Variants in DYNC1I1 observed in about 807,000 individuals in gnomAD.
DYNC1I1 encodes the protein dynein cytoplasmic 1 intermediate chain 1.
A neutral mutation model predicts 86.6 loss-of-function variants in DYNC1I1; 43 were observed. The observed-to-expected ratio is 0.50, with a 90% CI of 0.39 to 0.64. DYNC1I1 has a LOEUF of 0.64. DYNC1I1 is among the 30% of genes least tolerant of loss of function. The probability of loss-of-function intolerance (pLI) is 0.00; values close to 1 mark genes in which losing one functional copy is unlikely to be tolerated. For synonymous variants in DYNC1I1, 262 were observed against 283.7 expected (o/e 0.92, Z 0.77); for missense variants, 604 against 788.8 (o/e 0.77, Z 2.81).
chr7:95,780,467 A>G lies in DYNC1I1; in HGVS notation c.-10+7694A>G, dbSNP rs1163876575. ...TTTTTTTTTTGTATTTTTAGTAGAG[A>G]CGGGGTTTCACCATGTTAGCCAGGA... On this transcript the variant is annotated intron_variant, in intron 1 of 16. Coordinates refer to ENST00000447467, the MANE Select transcript of DYNC1I1 (RefSeq NM_001135556.2). Among the ~76,000 whole-genome samples, 3 of 141,632 alleles carry G rather than the reference A, an allele frequency of 2.1e-5. No homozygotes were observed. The Admixed American group carries it at 2.1e-4, about 10-fold the overall frequency. The allele number at this position is 141,632 out of a possible 152,430, so 92.9% of individuals were successfully genotyped here.
At chr7:95,972,256 G>A (rs1252040595) in intron 6 of DYNC1I1, among the ~76,000 whole-genome samples, 1 of 152,144 alleles carries the variant, frequency 6.6e-6, no homozygotes, top group Non-Finnish European at 1.5e-5. Context: ...GAAGGAACAG[G>A]TTTGAAAAAG....
At chr7:95,779,485 C>T (rs116949231) in intron 1 of DYNC1I1, among the ~76,000 whole-genome samples, 22 of 152,292 alleles carry the variant, frequency 1.4e-4, no homozygotes, top group South Asian at 2.1e-4. Context: ...ATTCTTTTTA[C>T]GATCAAACAG....
chr7:95,869,225 T>TAA (rs2116162903), intron 5 of DYNC1I1, among the ~76,000 whole-genome samples: 1 of 152,294 alleles, frequency 6.6e-6, no homozygotes, highest in South Asian at 2.1e-4. Context: ...AAGTGCTACA[T>TAA]AAATATTCAG....
At chr7:95,875,829 G>C (rs966521787) in intron 6 of DYNC1I1, among the ~76,000 whole-genome samples, 7 of 152,136 alleles carry the variant, frequency 4.6e-5, no homozygotes, top group African/African-American at 7.2e-5. Context: ...GGGAGCATTG[G>C]CTATCTCTCT....
At chr7:96,090,063 C>T (rs906022439) in intron 16 of DYNC1I1, among the ~76,000 whole-genome samples, 1 of 152,004 alleles carries the variant, frequency 6.6e-6, no homozygotes, top group Non-Finnish European at 1.5e-5. Context: ...CATCAACCAG[C>T]GTTTTTAGCA....
intron 2 of DYNC1I1, among the ~76,000 whole-genome samples, chr7:95,809,638 A>G (rs559498857): frequency 1.8e-4 from 28 of 152,184 alleles, no homozygotes; most frequent in Non-Finnish European, 3.1e-4. Flanking sequence ...ACTGATCTGT[A>G]AAAACACCAA....
chr7:96,032,642 A>C, intron 11 of DYNC1I1, 25 bp from the exon 12 acceptor site: 1 of 1,565,504 alleles, frequency 6.4e-7, no homozygotes, highest in South Asian at 1.1e-5. Context: ...TCTGTCTCTG[A>C]TCCTCTTTGT....
chr7:96,068,712 T>A (rs1449011104), intron 14 of DYNC1I1, among the ~76,000 whole-genome samples: 1 of 152,182 alleles, frequency 6.6e-6, no homozygotes, highest in African/African-American at 2.4e-5. Flanking sequence ...GAGAAATAAA[T>A]ATGAAGGGGG....
chr7:96,007,694 A>T (rs1460176049), intron 10 of DYNC1I1, among the ~76,000 whole-genome samples: 2 of 152,206 alleles, frequency 1.3e-5, no homozygotes, highest in Non-Finnish European at 2.9e-5. Context: ...ACCCAGCGAA[A>T]AAACACTCTA....
At chr7:96,071,121 A>G (rs1352757133) in intron 14 of DYNC1I1, among the ~76,000 whole-genome samples, 9 of 152,188 alleles carry the variant, frequency 5.9e-5, no homozygotes, top group African/African-American at 2.2e-4. Flanking sequence ...TATTACTTCC[A>G]TAATTTTAAC....
intron 6 of DYNC1I1, among the ~76,000 whole-genome samples, chr7:95,958,188 A>C (rs1792769580): frequency 6.6e-6 from 1 of 152,198 alleles, no homozygotes; most frequent in South Asian, 2.1e-4. Context: ...AGAACCATAG[A>C]AAGACTCTCA....
At chr7:95,774,588 G>A (rs1355516632) in intron 1 of DYNC1I1, among the ~76,000 whole-genome samples, 2 of 152,172 alleles carry the variant, frequency 1.3e-5, no homozygotes, top group Non-Finnish European at 1.5e-5. Context: ...GACTAACTTC[G>A]AAGAGAGTAA....
chr7:95,877,176 A>C (rs1273728275), intron 6 of DYNC1I1, among the ~76,000 whole-genome samples: 1 of 152,154 alleles, frequency 6.6e-6, no homozygotes, highest in East Asian at 1.9e-4. Flanking sequence ...AGCATTTCTC[A>C]TACTGCCCCA....
intron 15 of DYNC1I1, among the ~76,000 whole-genome samples, chr7:96,078,456 AT>A (rs1323957085): frequency 6.6e-6 from 1 of 152,062 alleles, no homozygotes; most frequent in Non-Finnish European, 1.5e-5. Flanking sequence ...GCATTTATGA[AT>A]TTTCTAGCGC....
chr7:95,798,736 C>T (rs996257203), intron 1 of DYNC1I1, among the ~76,000 whole-genome samples: 1 of 152,138 alleles, frequency 6.6e-6, no homozygotes, highest in East Asian at 1.9e-4. Flanking sequence ...CTATATTGTT[C>T]AAAAGCTAAG....
intron 6 of DYNC1I1, among the ~76,000 whole-genome samples, chr7:95,975,318 C>T (rs1218417628): frequency 6.6e-6 from 1 of 152,164 alleles, no homozygotes; most frequent in Non-Finnish European, 1.5e-5. Context: ...GTTCTGGAGG[C>T]TAGGATCTGA....
intron 14 of DYNC1I1, among the ~76,000 whole-genome samples, chr7:96,068,195 C>A (rs1327536200): frequency 2.0e-5 from 3 of 152,128 alleles, no homozygotes; most frequent in East Asian, 3.9e-4. Flanking sequence ...ATATTTGTTT[C>A]TTGAACAGAA....
chr7:95,989,603 C>T (rs1404384794), intron 9 of DYNC1I1, among the ~76,000 whole-genome samples: 1 of 152,210 alleles, frequency 6.6e-6, no homozygotes, highest in Non-Finnish European at 1.5e-5. Context: ...GGGGCTGGTC[C>T]CGCCTTGCCT....
At chr7:95,940,204 G>T (rs1234359430) in intron 6 of DYNC1I1, among the ~76,000 whole-genome samples, 1 of 152,022 alleles carries the variant, frequency 6.6e-6, no homozygotes, top group African/African-American at 2.4e-5. Context: ...AGGGTAACCC[G>T]ACCTTTCTCT....
Sources: allele counts gnomAD v4.1 joint callset (sites outside exome capture counted in the v4.1 genomes callset), GRCh38; gene constraint gnomAD v4.1.1; transcripts MANE v1.5; gene names NCBI Gene and HGNC (gene_info 2026-07-23, HGNC 2026-07-21).